TPH1: variants seen among roughly 807,000 people sequenced by gnomAD.
The protein encoded by TPH1 is tryptophan hydroxylase 1, also known as tryptophan 5-hydroxylase 1.
A neutral mutation model predicts 49.5 loss-of-function variants in TPH1; 37 were observed. The observed-to-expected ratio is 0.75, with a 90% CI of 0.58 to 0.98. TPH1 has a LOEUF of 0.98. Among genes scored for constraint, TPH1 ranks in the 50% least tolerant of loss-of-function variants. TPH1 has a pLI of 0.00. For missense variants in TPH1, 487 were observed against 523.6 expected, an observed-to-expected ratio of 0.93 and a Z score of 0.68; for synonymous variants, 160 against 182.1, an observed-to-expected ratio of 0.88 and a Z score of 0.98.
chr11:18,029,624 C>A lies in TPH1; in HGVS notation c.403-45G>T, dbSNP rs773102543. 2.5e-5 allele frequency: 37 copies of A among 1,471,348 alleles called. 2 individuals carry two copies. In the South Asian group the frequency reaches 4.3e-4, roughly 17 times the overall value. The allele number at this position is 1,471,348 out of a possible 1,614,324, so 91.1% of individuals were successfully genotyped here. A position where few individuals can be genotyped will look rare whatever the true frequency, so the allele number is the denominator to read the frequency against. On this transcript the variant is annotated intron_variant, in intron 4 of 10. Transcript: ENST00000682019. ...TTTTAAATATCCATACTAAAAAATA[C>A]TTGACAAATGATATTTGGGAAACAT...
At chr11:18,032,360 T>G (rs1054246510) in intron 4 of TPH1, among the ~76,000 whole-genome samples, 1 of 152,128 alleles carries the variant, frequency 6.6e-6, no homozygotes, top group African/African-American at 2.4e-5. Flanking sequence ...CCCATGCTCA[T>G]TTAAATAAAA....
rs1225211173 is a variant in TPH1, at chr11:18,040,749, T to C, written c.14A>G (p.Asn5Ser). 4 of 1,612,180 alleles carry C rather than the reference T, an allele frequency of 2.5e-6. No homozygotes were observed. The South Asian group carries it at 3.3e-5, about 13-fold the overall frequency. The stretch of plus-strand genomic sequence containing the variant: ...TAAGGAATGGTCTTTGTTCTCCTTA[T>C]TGTCTTCAATCATGATGAATTTGGA... MIED[N>S]KENKDHSLER... Residue 5 changes from asparagine to serine, a missense_variant, in exon 2 of 11, where the codon AAT becomes AGT. By Grantham distance (46) the Asn-to-Ser change is conservative. Coordinates refer to ENST00000682019, the MANE Select transcript of TPH1 (RefSeq NM_004179.3).
chr11:18,038,797 T>TA (rs1172905949), intron 2 of TPH1, among the ~76,000 whole-genome samples: 3 of 152,134 alleles, frequency 2.0e-5, no homozygotes, highest in African/African-American at 7.2e-5. Context: ...AAATTAAATT[T>TA]AAAAAAAGCT....
At chr11:18,036,961 A>G (rs1848052900) in intron 2 of TPH1, among the ~76,000 whole-genome samples, 1 of 152,182 alleles carries the variant, frequency 6.6e-6, no homozygotes, top group African/African-American at 2.4e-5. Flanking sequence ...AAATAAAGTA[A>G]AGAGTGTTCG....
chr11:18,043,451 A>G (rs1025387429), intron 1 of TPH1, among the ~76,000 whole-genome samples: 9 of 152,172 alleles, frequency 5.9e-5, no homozygotes, highest in Admixed American at 5.9e-4. Flanking sequence ...CTAAAAATAC[A>G]AAAATTAGCC....
At position 18,026,537 on chromosome 11, in the gene TPH1, G is replaced by A. The variant is rs747711309; in HGVS notation, c.756C>T (p.Cys252=). 10 of 1,613,878 alleles carry A rather than the reference G, an allele frequency of 6.2e-6. No individual in the cohort carries two copies. In the South Asian group the frequency reaches 8.8e-5, roughly 14 times the overall value. The part of the protein sequence containing the change: ...LSGLAFRVFH[C]TQYVRHSSDP... ...CTGAACTGTGTCTCACATATTGAGT[G>A]CAGTGAAAAACTCGAAAGGCTAAAC... Residue 252 remains cysteine (C), a synonymous_variant, in exon 7 of 11, where the codon TGC becomes TGT. Coordinates refer to ENST00000682019, the MANE Select transcript of TPH1 (RefSeq NM_004179.3).
chr11:18,033,498 T>C (rs866057724), intron 3 of TPH1, 124 bp from the exon 4 acceptor site: 4 of 757,894 alleles, frequency 5.3e-6, no homozygotes, highest in South Asian at 5.1e-5. Context: ...AGCTTGTACA[T>C]CAAGGCAAGA....
At position 18,023,929 on chromosome 11, in the gene TPH1, C is replaced by CTCT. The variant is rs764762529; in HGVS notation, c.982_984dup (p.Arg328dup). On this transcript the variant is annotated inframe_insertion, in exon 9 of 11. Coordinates refer to ENST00000682019, the MANE Select transcript of TPH1 (RefSeq NM_004179.3). ...GAAGAAAGTAAGCCAGCACCAAAGACTCTTAGCTGTCCATCTTGTTTACAT... is the reference window on the plus strand; with the variant it reads ...GAAGAAAGTAAGCCAGCACCAAAGACTCTTCTTAGCTGTCCATCTTGTTTACAT... 5 of 1,613,482 alleles carry CTCT rather than the reference C, an allele frequency of 3.1e-6. No individual in the cohort carries two copies. The South Asian group carries it at 5.5e-5, about 18-fold the overall frequency.
Position 18,029,207 on chromosome 11 carries a change from C to T in TPH1, c.625G>A (p.Asp209Asn), listed in dbSNP as rs1847958719. Residue 209 changes from aspartate to asparagine, a missense_variant, in exon 6 of 11, where the codon GAT (aspartate) becomes AAT (asparagine). Transcript: ENST00000682019. ...ACATCTTCCAATTGTGGGATATTAT[C>T]CTCCCGATATCCACAATATTTAGAA... ...LLSKYCGYRE[D>N]NIPQLEDVSN... 6.2e-7 allele frequency: 1 copy of T among 1,613,464 alleles called. No individual in the cohort carries two copies.
rs1428535238 is a variant in TPH1, at chr11:18,040,555, T to C, written c.117+91A>G. ...GCTAAATTTGTTTTTTTTTAAGAGATAGGGTCTTGCTATGTTGCCCTATAT... is the reference window on the plus strand; with the variant it reads ...GCTAAATTTGTTTTTTTTTAAGAGACAGGGTCTTGCTATGTTGCCCTATAT... On this transcript the variant is annotated intron_variant, in intron 2 of 10. Transcript: ENST00000682019. 4 of 1,288,276 alleles carry C rather than the reference T, an allele frequency of 3.1e-6. No individual in the cohort carries two copies. The Admixed American group carries it at 6.3e-5, about 20-fold the overall frequency. The allele number at this position is 1,288,276 out of a possible 1,614,324, so 79.8% of individuals were successfully genotyped here.
At chr11:18,039,385 C>T (rs1226877837) in intron 2 of TPH1, among the ~76,000 whole-genome samples, 1 of 152,104 alleles carries the variant, frequency 6.6e-6, no homozygotes, top group African/African-American at 2.4e-5. Context: ...AATTTGCCCA[C>T]GATCACCCAG....
chr11:18,021,759 C>G (rs777559617), intron 10 of TPH1, among the ~76,000 whole-genome samples: 1 of 152,066 alleles, frequency 6.6e-6, no homozygotes, highest in Non-Finnish European at 1.5e-5. Flanking sequence ...AAATTCTGCC[C>G]CTTTTTCAAG....
Position 18,018,472 on chromosome 11 carries a change from C to T in TPH1, c.*2519G>A, listed in dbSNP as rs1010927264. ...ACAATGTCAGGAGATTGAAACCATC[C>T]TGGCTAACACGGTGAAACCTTGTCT... On this transcript the variant is annotated 3_prime_UTR_variant, in exon 11 of 11. Coordinates refer to ENST00000682019, the MANE Select transcript of TPH1 (RefSeq NM_004179.3). The T allele has an allele frequency of 4.6e-5, 7 of 151,838 alleles. No homozygotes were observed. Among genetic ancestry groups the T allele is most frequent in the Non-Finnish European group, 1.0e-4 (7 of 68,004 alleles). The allele number at this position is 151,838 out of a possible 1,614,324, so 9.4% of individuals were successfully genotyped here. A position where few individuals can be genotyped will look rare whatever the true frequency, so the allele number is the denominator to read the frequency against.
chr11:18,021,189 ACAAT>A, intron 10 of TPH1, 24 bp from the exon 11 acceptor site: 1 of 1,607,036 alleles, frequency 6.2e-7, no homozygotes, highest in Non-Finnish European at 8.5e-7. Context: ...CAAATAGGAG[ACAAT>A]CAATTTCTAG....
intron 2 of TPH1, among the ~76,000 whole-genome samples, chr11:18,039,678 G>A (rs1848082060): frequency 6.6e-6 from 1 of 152,024 alleles, no homozygotes; most frequent in Admixed American, 6.6e-5. Context: ...TTTGTTTAAT[G>A]TTGCCTTCCC....
At chr11:18,026,288 T>C (rs540255486) in intron 7 of TPH1, among the ~76,000 whole-genome samples, 1 of 151,284 alleles carries the variant, frequency 6.6e-6, no homozygotes, top group Non-Finnish European at 1.5e-5. Flanking sequence ...AGGTTGTCAA[T>C]TAATAATCAT....
In TPH1 at chr11:18,017,766, G is replaced by A. The variant is rs1854312193; in HGVS notation, c.*3225C>T. 1 of 152,020 alleles carries A rather than the reference G, an allele frequency of 6.6e-6. No homozygotes were observed. The highest frequency in any genetic ancestry group is 2.4e-5 in the African/African-American group (1 of 41,398). 9.4% of individuals were successfully genotyped at this position (152,020 alleles called of 1,614,324 possible). A position where few individuals can be genotyped will look rare whatever the true frequency, so the allele number is the denominator to read the frequency against. ...TTTGAATTTGGAAGCCAACTTAAAAGCTAACAATAATTATTTACATTTTGG... is the reference window on the plus strand; with the variant it reads ...TTTGAATTTGGAAGCCAACTTAAAAACTAACAATAATTATTTACATTTTGG... On this transcript the variant is annotated 3_prime_UTR_variant, in exon 11 of 11. Transcript: ENST00000682019.
chr11:18,025,190 AAG>A lies in TPH1; in HGVS notation c.930+383_930+384del, dbSNP rs1847916097. 2.6e-5 allele frequency among the ~76,000 whole-genome samples: 4 copies of A among 152,316 alleles called. No individual in the cohort carries two copies. In the South Asian group the frequency reaches 8.3e-4, roughly 32 times the overall value. On this transcript the variant is annotated intron_variant, in intron 8 of 10. Coordinates refer to ENST00000682019, the MANE Select transcript of TPH1 (RefSeq NM_004179.3). ...ACCTATCCTTTTTATTGGAAAATAA[AAG>A]ATAGATAACCTATTATTGTAATCTT...
At chr11:18,043,621 C>T (rs1360230644) in intron 1 of TPH1, among the ~76,000 whole-genome samples, 1 of 133,470 alleles carries the variant, frequency 7.5e-6, no homozygotes, top group Non-Finnish European at 1.5e-5. Flanking sequence ...AAAACAAAAA[C>T]AAACAAACAA....
Sources: allele counts gnomAD v4.1 joint callset (sites outside exome capture counted in the v4.1 genomes callset), GRCh38; gene constraint gnomAD v4.1.1; transcripts MANE v1.5; gene names NCBI Gene and HGNC (gene_info 2026-07-23, HGNC 2026-07-21).